Variants in THBS2 observed in about 807,000 individuals in gnomAD.
The protein encoded by THBS2 is thrombospondin-2.
THBS2 carries 47 observed loss-of-function variants against 135.2 expected under a neutral mutation model. The observed-to-expected ratio is 0.35, with a 90% CI of 0.28 to 0.44. The LOEUF is 0.44. Ranked by LOEUF, THBS2 falls within the 20% of genes least tolerant of loss-of-function variation. The probability of loss-of-function intolerance (pLI) is 1.00; values close to 1 mark genes in which losing one functional copy is unlikely to be tolerated. For missense variants in THBS2, 1,288 were observed against 1,603.1 expected (o/e 0.80, Z 3.36); for synonymous variants, 639 against 633.8 (o/e 1.01, Z -0.12).
chr6:169,237,566 C>A, intron 8 of THBS2, 59 bp downstream of exon 8: 2 of 1,604,084 alleles, frequency 1.2e-6, no homozygotes, highest in Non-Finnish European at 8.5e-7. Context: ...GTCCCGATGA[C>A]TGAGAGAAAC....
At chr6:169,220,964 A>C (rs1299605041) in intron 20 of THBS2, among the ~76,000 whole-genome samples, 2 of 152,260 alleles carry the variant, frequency 1.3e-5, no homozygotes, top group Non-Finnish European at 2.9e-5. Context: ...CTTGATTTTA[A>C]ATTGACCACA....
intron 7 of THBS2, chr6:169,239,325 C>T: frequency 4.0e-6 from 2 of 502,578 alleles, no homozygotes; most frequent in Admixed American, 7.1e-5. Context: ...GCTCTGGGCT[C>T]ACCTGCGTGA....
Position 169,219,689 on chromosome 6 carries a change from C to A in THBS2, c.3511+509G>T, listed in dbSNP as rs147971445. 1.8e-4 allele frequency: 86 copies of A among 466,812 alleles called. No homozygotes were observed. The East Asian group carries it at 4.4e-3, about 24-fold the overall frequency. 28.9% of individuals were successfully genotyped at this position (466,812 alleles called of 1,614,324 possible). On this transcript the variant is annotated intron_variant, in intron 21 of 21. Coordinates refer to ENST00000617924, the MANE Select transcript of THBS2 (RefSeq NM_003247.5). ...TGTGATTCTTGAGAAGCATCCTGAG[C>A]CTTATTTACTGCATCTGTGGAAGGG...
intron 16 of THBS2, 86 bp downstream of exon 16, chr6:169,226,094 T>G: frequency 2.9e-6 from 4 of 1,397,644 alleles, no homozygotes; most frequent in South Asian, 1.2e-5. Context: ...CCAGGGGCAG[T>G]TGTCACAGTG....
rs532213074 is a variant in THBS2 at position 169,222,561 on chromosome 6, G to T, written c.3002-93C>A. On this transcript the variant is annotated intron_variant, in intron 18 of 21. Coordinates refer to ENST00000617924, the MANE Select transcript of THBS2 (RefSeq NM_003247.5). ...TGTAATCCCAGCACTTTGAGAGGCC[G>T]AGGTGGGCAGATCACCTGAGGTCAA... The T allele has an allele frequency of 1.4e-4, 191 of 1,365,004 alleles. 1 individual carries two copies. In the African/African-American group the frequency reaches 2.3e-3, roughly 16 times the overall value. 84.6% of individuals were successfully genotyped at this position (1,365,004 alleles called of 1,614,324 possible).
chr6:169,237,579 G>T (rs115566461), intron 8 of THBS2, 46 bp downstream of exon 8: 11 of 1,606,912 alleles, frequency 6.8e-6, no homozygotes, highest in Non-Finnish European at 8.5e-6. Flanking sequence ...AGAGAAACGC[G>T]GCCCCACCCC....
intron 14 of THBS2, 66 bp from the exon 15 acceptor site, chr6:169,228,347 C>A: frequency 6.4e-7 from 1 of 1,568,608 alleles, no homozygotes; most frequent in Admixed American, 1.8e-5. Flanking sequence ...CCGTTTAGCA[C>A]TTATAAGTTA....
chr6:169,246,638 T>C (rs1004643334), intron 3 of THBS2, among the ~76,000 whole-genome samples: 1 of 152,228 alleles, frequency 6.6e-6, no homozygotes, highest in Non-Finnish European at 1.5e-5. Context: ...TCACTCATGA[T>C]TAGCGAGTTT....
At position 169,237,707 on chromosome 6, in the gene THBS2, C is replaced by A; in HGVS notation, c.1218G>T (p.Arg406=). Residue 406 remains arginine, a synonymous_variant, in exon 8 of 22, where the codon CGG becomes CGT. Transcript: ENST00000617924. ...TCGSGTQQRG[R]SCDVTSNTCL... ...AGGTGTTGCTGGTGACGTCACAGGA[C>A]CGGCCTCTCTGCTGGGTCCCAGAGC... is the stretch of plus-strand genomic sequence containing the variant. 1.2e-6 allele frequency: 2 copies of A among 1,612,886 alleles called. No individual in the cohort carries two copies. The highest frequency in any genetic ancestry group is 1.1e-5 in the South Asian group (1 of 91,088).
chr6:169,225,838 T>C (rs1469939692), intron 16 of THBS2, among the ~76,000 whole-genome samples: 1 of 152,240 alleles, frequency 6.6e-6, no homozygotes, highest in Non-Finnish European at 1.5e-5. Context: ...GAGAATTCTG[T>C]GAAGACACAA....
At chr6:169,229,768 C>T (rs758545315) in intron 13 of THBS2, 89 bp from the exon 14 acceptor site, 17 of 1,060,372 alleles carry the variant, frequency 1.6e-5, no homozygotes, top group Middle Eastern at 4.1e-4. Context: ...AGCATGGCGC[C>T]GAGGAAGGAA....
chr6:169,245,652 T>TGTG (rs1780527761), intron 4 of THBS2, among the ~76,000 whole-genome samples: 1 of 151,486 alleles, frequency 6.6e-6, no homozygotes, highest in African/African-American at 2.4e-5. Context: ...ATTAGCTGGG[T>TGTG]GTGGTGGCGG....
At position 169,229,614 on chromosome 6, in the gene THBS2, G is replaced by A; in HGVS notation, c.2217C>T (p.Ala739=). 1.2e-6 allele frequency: 2 copies of A among 1,614,084 alleles called. No homozygotes were observed. Among genetic ancestry groups the A allele is most frequent in the Non-Finnish European group, 8.5e-7 (1 of 1,179,986 alleles). ...EDFDKDGIGD[A]CDDDDDNDGV... is the part of the protein sequence containing the mutation. ...CGTCATTGTCATCGTCATCATCACAGGCATCGCCAATCCCGTCCTTGTCAA... is the reference window on the plus strand; with the variant it reads ...CGTCATTGTCATCGTCATCATCACAAGCATCGCCAATCCCGTCCTTGTCAA... Residue 739 remains alanine, a synonymous_variant, in exon 14 of 22, where the codon GCC becomes GCT. Transcript: ENST00000617924.
Position 169,223,438 on chromosome 6 carries a change from G to A in THBS2, c.2811C>T (p.Asp937=). ...CATCAATATCTGGGATGTTGTCATTGTCAAAATCATCTTTACAAATATCAC... is the reference window on the plus strand; with the variant it reads ...CATCAATATCTGGGATGTTGTCATTATCAAAATCATCTTTACAAATATCAC... ...GRGDICKDDF[D]NDNIPDIDDV... The change falls in exon 18 of 22, where the codon GAC becomes GAT. Residue 937 remains aspartate (D), a synonymous_variant. Coordinates refer to ENST00000617924, the MANE Select transcript of THBS2 (RefSeq NM_003247.5). 1 of 1,614,132 alleles carries A rather than the reference G, an allele frequency of 6.2e-7. No homozygotes were observed. Among genetic ancestry groups the A allele is most frequent in the Non-Finnish European group, 8.5e-7 (1 of 1,180,034 alleles).
chr6:169,221,562 G>C, intron 19 of THBS2, 35 bp from the exon 20 acceptor site: 1 of 1,597,852 alleles, frequency 6.3e-7, no homozygotes, highest in Non-Finnish European at 8.6e-7. Context: ...AGTGCCATGG[G>C]CACCCGGAGC....
At position 169,223,284 on chromosome 6, in the gene THBS2, C is replaced by G. The variant is rs1779499624; in HGVS notation, c.2965G>C (p.Val989Leu). Residue 989 changes from valine (V) to leucine (L), a missense_variant, in exon 18 of 22, where the codon GTT becomes CTT. Physicochemically the swap from Val to Leu is conservative, Grantham distance 32. This residue lies in a region of THBS2 where 874 missense variants were observed against 1,156.1 expected (regional missense o/e 0.76). Transcript: ENST00000617924. ...WVIRHQGKEL[V>L]QTANSDPGIA... ...CCGGGGTCCGAGTTGGCTGTCTGAA[C>G]CAGCTCCTTGCCTTGATGGCGAATG... is the stretch of plus-strand genomic sequence containing the variant. The G allele has an allele frequency of 1.2e-6, 2 of 1,614,000 alleles. No individual in the cohort carries two copies. Among genetic ancestry groups the G allele is most frequent in the Non-Finnish European group, 1.7e-6 (2 of 1,180,008 alleles).
At chr6:169,233,394 C>A (rs931781690) in intron 10 of THBS2, among the ~76,000 whole-genome samples, 3 of 151,936 alleles carry the variant, frequency 2.0e-5, no homozygotes, top group East Asian at 3.9e-4. Flanking sequence ...ACACAACTAC[C>A]CACGTGCCAC....
rs1339354932 is a variant in THBS2, at chr6:169,237,285, T to C, written c.1362A>G (p.Gly454=). 1.6e-5 allele frequency: 26 copies of C among 1,613,360 alleles called. No individual in the cohort carries two copies. Among genetic ancestry groups the C allele is most frequent in the Non-Finnish European group, 2.2e-5 (26 of 1,180,022 alleles). The change falls in exon 9 of 22, where the codon GGA becomes GGG. Residue 454 remains glycine, a synonymous_variant. Coordinates refer to ENST00000617924, the MANE Select transcript of THBS2 (RefSeq NM_003247.5). Reference sequence around the variant, plus strand: ...GACGGATGCGTGTGATATTGCCAACTCCACAGGTCACAGAGCATGAAGACC... The same window carrying C: ...GACGGATGCGTGTGATATTGCCAACCCCACAGGTCACAGAGCATGAAGACC... ...SPWSSCSVTC[G]VGNITRIRLC...
At chr6:169,253,101 A>G (rs1780808046) in intron 1 of THBS2, among the ~76,000 whole-genome samples, 1 of 152,186 alleles carries the variant, frequency 6.6e-6, no homozygotes, top group Non-Finnish European at 1.5e-5. Flanking sequence ...AGGATTTTCC[A>G]TAGACTTACC....
Sources: allele counts gnomAD v4.1 joint callset (sites outside exome capture counted in the v4.1 genomes callset), GRCh38; gene constraint gnomAD v4.1.1; regional missense constraint gnomAD v4.1.1; transcripts MANE v1.5; gene names NCBI Gene and HGNC (gene_info 2026-07-23, HGNC 2026-07-21).